HSPG2: variants seen among roughly 807,000 people sequenced by gnomAD.
The protein encoded by HSPG2 is basement membrane-specific heparan sulfate proteoglycan core protein.
In HSPG2, 278 loss-of-function variants were observed where a neutral mutation model predicts 526.6. The ratio of observed to expected loss-of-function variants is 0.53; its 90% CI spans 0.48 to 0.58. The LOEUF (loss-of-function observed/expected upper bound fraction) is 0.58. Ranked by LOEUF, HSPG2 falls within the 20% of genes least tolerant of loss-of-function variation. The probability of loss-of-function intolerance (pLI) is 0.00; values close to 1 mark genes in which losing one functional copy is unlikely to be tolerated. For missense variants in HSPG2, 5,354 were observed against 6,099.5 expected (o/e 0.88, Z 4.07); for synonymous variants, 2,465 against 2,555.4 (o/e 0.96, Z 1.07).
rs1467084365 is a variant in HSPG2 at position 21,839,998 on chromosome 1, G to A, written c.9533C>T (p.Ser3178Leu). 2 of 1,614,094 alleles carry A rather than the reference G, an allele frequency of 1.2e-6. No individual in the cohort carries two copies. The highest frequency in any genetic ancestry group is 1.7e-6 in the Non-Finnish European group (2 of 1,180,052). Residue 3178 changes from serine (S) to leucine (L), a missense_variant, in exon 72 of 97, where the codon TCA (serine) becomes TTA (leucine). Transcript: ENST00000374695. This position sits in a 1 kb window ranked among gnomAD's most constrained non-coding sequence, Gnocchi z 4.5. Reference sequence around the variant, plus strand: ...AAGGCACACATAAGTGCCCGCATCTGATGGTTTAGCTGATGAAATCTGGGA... The same window carrying A: ...AAGGCACACATAAGTGCCCGCATCTAATGGTTTAGCTGATGAAATCTGGGA... ...AVLQISSAKP[S>L]DAGTYVCLAQ...
At chr1:21,903,685 T>C (rs1643217950) in intron 1 of HSPG2, among the ~76,000 whole-genome samples, 1 of 152,202 alleles carries the variant, frequency 6.6e-6, no homozygotes, top group African/African-American at 2.4e-5. Context: ...CTGGGGCTAC[T>C]GGGAGAGGCA....
intron 1 of HSPG2, among the ~76,000 whole-genome samples, chr1:21,907,681 CTAAT>C (rs919638128): frequency 1.3e-5 from 2 of 152,092 alleles, no homozygotes; most frequent in Non-Finnish European, 2.9e-5. Flanking sequence ...CTACATCTGG[CTAAT>C]TTATTTTTTG....
In HSPG2 at chr1:21,824,507, C is replaced by T. The variant is rs752718438; in HGVS notation, c.12744+30G>A. On this transcript the variant is annotated intron_variant, in intron 93 of 96. Coordinates refer to ENST00000374695, the MANE Select transcript of HSPG2 (RefSeq NM_005529.7). This position sits in a 1 kb window ranked among gnomAD's most constrained non-coding sequence, Gnocchi z 5.9. Reference sequence around the variant, plus strand: ...AAGCCAGCTTCCTGCCCCAGGAGCCCCAAGAGCCCAGCCGGATACCCACAC... The same window carrying T: ...AAGCCAGCTTCCTGCCCCAGGAGCCTCAAGAGCCCAGCCGGATACCCACAC... 6.2e-7 allele frequency: 1 copy of T among 1,611,798 alleles called. No homozygotes were observed.
chr1:21,834,830 G>T lies in HSPG2; in HGVS notation c.10569C>A (p.Ser3523Arg). 1 of 1,614,206 alleles carries T rather than the reference G, an allele frequency of 6.2e-7. No homozygotes were observed. ...CTGGCCGCAGGTGCCCTCCAACTTT[G>T]CTCCATGTCACCTGAGGCTTGGGGT... ...LGDPKPQVTWSKVGGHLRPGI... is the reference protein window; with the variant it reads ...LGDPKPQVTWRKVGGHLRPGI... Residue 3523 changes from serine to arginine, a missense_variant, in exon 77 of 97, where the codon AGC (serine) becomes AGA (arginine). Coordinates refer to ENST00000374695, the MANE Select transcript of HSPG2 (RefSeq NM_005529.7).
In HSPG2 at chr1:21,881,481, G is replaced by C. The variant is rs748179999; in HGVS notation, c.1676C>G (p.Ala559Gly). 84 of 1,612,324 alleles carry C rather than the reference G, an allele frequency of 5.2e-5. 1 individual carries two copies. In the East Asian group the frequency reaches 1.8e-3, roughly 35 times the overall value. Residue 559 changes from alanine to glycine, a missense_variant, in exon 14 of 97, where the codon GCG becomes GGG. Transcript: ENST00000374695. The stretch of plus-strand genomic sequence containing the variant: ...GGAGAGGGGTGGCGTGCCGGGCTGC[G>C]CAGGCATTGTCACATTCACACCTGT... ...DFKGVNVTMP[A>G]QPGTPPLSST...
At position 21,872,863 on chromosome 1, in the gene HSPG2, C is replaced by A. The variant is rs778326834; in HGVS notation, c.3889-103G>T. 1.1e-5 allele frequency: 17 copies of A among 1,548,472 alleles called. No homozygotes were observed. In the South Asian group the frequency reaches 1.7e-4, roughly 16 times the overall value. On this transcript the variant is annotated intron_variant, in intron 31 of 96. Coordinates refer to ENST00000374695, the MANE Select transcript of HSPG2 (RefSeq NM_005529.7). The surrounding 1 kb of genome is among the most constrained non-coding windows in gnomAD (Gnocchi z 5.5). The stretch of plus-strand genomic sequence containing the variant: ...CCTGGCCACTTCCAGCAGCCCCGGG[C>A]AGCCCCTGCCCTGTCCCCCATGCCC...
chr1:21,923,843 A>G (rs1557834697), intron 1 of HSPG2, among the ~76,000 whole-genome samples: 1 of 152,210 alleles, frequency 6.6e-6, no homozygotes, highest in Non-Finnish European at 1.5e-5. Flanking sequence ...CACTCCGAGA[A>G]TGTTTGCCGA....
chr1:21,924,259 A>C lies in HSPG2; in HGVS notation c.63+12896T>G, dbSNP rs565881073. ...GAAGCTGCCTCCAGCGTCACCAGACATCCTGGAAGAAATTGGAGGCATGGT... is the reference window on the plus strand; with the variant it reads ...GAAGCTGCCTCCAGCGTCACCAGACCTCCTGGAAGAAATTGGAGGCATGGT... On this transcript the variant is annotated intron_variant, in intron 1 of 96. Transcript: ENST00000374695. 2.2e-4 allele frequency among the ~76,000 whole-genome samples: 33 copies of C among 152,338 alleles called. No homozygotes were observed. The South Asian group carries it at 5.6e-3, about 26-fold the overall frequency.
chr1:21,897,892 G>A (rs1218898200), intron 1 of HSPG2, among the ~76,000 whole-genome samples: 1 of 152,114 alleles, frequency 6.6e-6, no homozygotes, highest in South Asian at 2.1e-4. Context: ...AGGATGACTA[G>A]AAAGAAACTC....
chr1:21,908,626 A>G, intron 1 of HSPG2: 1 of 633,076 alleles, frequency 1.6e-6, no homozygotes, highest in Non-Finnish European at 2.8e-6. Context: ...TTAAAAAAAA[A>G]AAAGTGTTTG....
chr1:21,843,015 C>A, intron 66 of HSPG2, 94 bp from the exon 67 acceptor site: 1 of 1,452,302 alleles, frequency 6.9e-7, no homozygotes, highest in South Asian at 1.2e-5. Flanking sequence ...CCAGTTGATC[C>A]TGGGGGCGCG....
rs1458345089 is a variant in HSPG2 at position 21,865,261 on chromosome 1, A to G, written c.4395+24T>C. On this transcript the variant is annotated intron_variant, in intron 35 of 96. Coordinates refer to ENST00000374695, the MANE Select transcript of HSPG2 (RefSeq NM_005529.7). This position sits in a 1 kb window ranked among gnomAD's most constrained non-coding sequence, Gnocchi z 5.4. ...GGTGGAGGGTGGGGTGGGGTTAGAC[A>G]CAGCATGGCCAGGTGCCCCTTACCT... The G allele has an allele frequency of 1.2e-6, 2 of 1,611,268 alleles. No individual in the cohort carries two copies. The highest frequency in any genetic ancestry group is 1.7e-6 in the Non-Finnish European group (2 of 1,177,780).
chr1:21,896,737 G>A (rs369612626), intron 1 of HSPG2, among the ~76,000 whole-genome samples: 108 of 152,198 alleles, frequency 7.1e-4, no homozygotes, highest in Middle Eastern at 3.4e-3. Flanking sequence ...AGCATGGGTG[G>A]GGACACAGGC....
chr1:21,893,770 A>G lies in HSPG2; in HGVS notation c.244+2152T>C, dbSNP rs1389685529. ...CAGAGACATTGCAAGAGAGAGGGAG[A>G]CACAAAGAGACAGAAAGACAGAGAC... On this transcript the variant is annotated intron_variant, in intron 3 of 96. Transcript: ENST00000374695. The surrounding 1 kb of genome is among the most constrained non-coding windows in gnomAD (Gnocchi z 4.3). Among the ~76,000 whole-genome samples, 2 of 151,976 alleles carry G rather than the reference A, an allele frequency of 1.3e-5. No homozygotes were observed. The highest frequency in any genetic ancestry group is 1.9e-4 in the East Asian group (1 of 5,180).
At chr1:21,852,324 T>A in intron 52 of HSPG2, 91 bp from the exon 53 acceptor site, 1 of 1,514,482 alleles carries the variant, frequency 6.6e-7, no homozygotes, top group Non-Finnish European at 9.1e-7. Context: ...CAGCCCAGGG[T>A]TTCAAGGCCA....
Position 21,895,337 on chromosome 1 carries a change from C to A in HSPG2, c.244+585G>T, listed in dbSNP as rs1642669896. 6.6e-6 allele frequency among the ~76,000 whole-genome samples: 1 copy of A among 152,182 alleles called. No individual in the cohort carries two copies. The highest frequency in any genetic ancestry group is 2.1e-4 in the South Asian group (1 of 4,836). On this transcript the variant is annotated intron_variant, in intron 3 of 96. Transcript: ENST00000374695. The surrounding 1 kb of genome is among the most constrained non-coding windows in gnomAD (Gnocchi z 4.1). ...GTCCCCATCCCAGTGCTGGGCCAGT[C>A]TGACCAGGGTGGGGGCTGACTCTCC... is the stretch of plus-strand genomic sequence containing the variant.
chr1:21,861,272 A>G (rs552060144), intron 39 of HSPG2, among the ~76,000 whole-genome samples: 3 of 152,270 alleles, frequency 2.0e-5, no homozygotes, highest in African/African-American at 7.2e-5. Flanking sequence ...CTGGGTCTGA[A>G]GGCTAAGGGG....
rs765021777 is a variant in HSPG2, at chr1:21,829,125, G to A, written c.11993-46C>T. ...GGTTGGGCACATGGGGGCACACGGGGCTCCCTGCCCTCTCCACCACAAACA... is the reference window on the plus strand; with the variant it reads ...GGTTGGGCACATGGGGGCACACGGGACTCCCTGCCCTCTCCACCACAAACA... On this transcript the variant is annotated intron_variant, in intron 87 of 96. Coordinates refer to ENST00000374695, the MANE Select transcript of HSPG2 (RefSeq NM_005529.7). 9.9e-6 allele frequency: 15 copies of A among 1,522,044 alleles called. No homozygotes were observed. The African/African-American group carries it at 1.1e-4, about 11-fold the overall frequency. 94.3% of individuals were successfully genotyped at this position (1,522,044 alleles called of 1,614,324 possible).
At chr1:21,910,204 A>G (rs1000653117) in intron 1 of HSPG2, among the ~76,000 whole-genome samples, 1 of 152,212 alleles carries the variant, frequency 6.6e-6, no homozygotes, top group African/African-American at 2.4e-5. Flanking sequence ...TCTGGGCTGC[A>G]CGGGGTATTT....
Sources: allele counts gnomAD v4.1 joint callset (sites outside exome capture counted in the v4.1 genomes callset), GRCh38; gene constraint gnomAD v4.1.1; non-coding constraint Gnocchi (gnomAD v3.1); transcripts MANE v1.5; gene names NCBI Gene and HGNC (gene_info 2026-07-23, HGNC 2026-07-21).